PHGR1: variants seen among roughly 807,000 people sequenced by gnomAD.
PHGR1 encodes proline, histidine and glycine-rich protein 1.
PHGR1 carries 3 observed loss-of-function variants against 4.9 expected under a neutral mutation model. That is an observed-to-expected ratio of 0.61 (90% CI 0.28 to 1.58). The LOEUF (loss-of-function observed/expected upper bound fraction) is 1.58. Among genes scored for constraint, PHGR1 ranks in the 40% most tolerant of loss-of-function variants. The pLI is 0.11. For missense variants in PHGR1, 81 were observed against 118.7 expected, an observed-to-expected ratio of 0.68 and a Z score of 1.48; for synonymous variants, 32 against 46.1, an observed-to-expected ratio of 0.69 and a Z score of 1.24.
chr15:40,351,192 T>C (rs1476228238), intron 1 of PHGR1, 130 bp downstream of exon 1: 1 of 152,500 alleles, frequency 6.6e-6, no homozygotes, highest in Non-Finnish European at 1.5e-5. Flanking sequence ...CTTCCGTGTC[T>C]CTGCATGAGG....
intron 2 of PHGR1, 176 bp downstream of exon 2, chr15:40,353,443 G>C (rs1394546153): frequency 2.6e-6 from 2 of 757,260 alleles, no homozygotes; most frequent in African/African-American, 3.5e-5. Context: ...ACATACTGTA[G>C]AACATGTTAC....
At chr15:40,354,280 G>GT (rs937671291) in intron 2 of PHGR1, 65 bp from the exon 3 acceptor site, 1,179 of 1,390,338 alleles carry the variant, frequency 8.5e-4, no homozygotes, top group Non-Finnish European at 9.2e-4. Context: ...GAGAAGACAG[G>GT]TTTTTTTTTA....
intron 3 of PHGR1, 139 bp downstream of exon 3, chr15:40,354,491 C>G (rs534936417): frequency 9.0e-7 from 1 of 1,113,406 alleles, no homozygotes; most frequent in South Asian, 1.5e-5. Context: ...CAGGCAGCAG[C>G]CCCGTGGAGT....
chr15:40,356,044 T>G, intron 3 of PHGR1, 29 bp from the exon 4 acceptor site: 1 of 1,546,230 alleles, frequency 6.5e-7, no homozygotes, highest in Non-Finnish European at 8.7e-7. Context: ...GACCTCTGAC[T>G]CTGACATTGT....
At chr15:40,354,572 T>C (rs189235809) in intron 3 of PHGR1, among the ~76,000 whole-genome samples, 1 of 152,158 alleles carries the variant, frequency 6.6e-6, no homozygotes, top group East Asian at 1.9e-4. Flanking sequence ...TTCTCTCCTC[T>C]GTTTTCCCAT....
chr15:40,353,942 CA>C (rs34791483), intron 2 of PHGR1, among the ~76,000 whole-genome samples: 28,827 of 152,136 alleles, frequency 0.19, 3,129 homozygotes, highest in African/African-American at 0.3. Context: ...TGGGGCGTGA[CA>C]GGGGCAGAGG....
At chr15:40,353,136 TGTGTGTGTGTGC>T (rs1189119513) in intron 1 of PHGR1, 84 bp from the exon 2 acceptor site, 33 of 925,408 alleles carry the variant, frequency 3.6e-5, no homozygotes, top group East Asian at 1.1e-4. Flanking sequence ...TGTGTGTGTG[TGTGTGTGTGTGC>T]GCGCGCGCGC....
intron 3 of PHGR1, among the ~76,000 whole-genome samples, chr15:40,354,770 A>AGAGG (rs1439066353): frequency 6.6e-6 from 1 of 152,184 alleles, no homozygotes; most frequent in Non-Finnish European, 1.5e-5. Flanking sequence ...CAGAGAAAGG[A>AGAGG]GACTGCGTCT....
intron 2 of PHGR1, 61 bp from the exon 3 acceptor site, chr15:40,354,284 T>A: frequency 6.6e-7 from 1 of 1,522,258 alleles, no homozygotes; most frequent in East Asian, 2.5e-5. Flanking sequence ...AGACAGGTTT[T>A]TTTTTACTGC....
Position 40,356,416 on chromosome 15 carries a change from CCACATTCTAT to C in PHGR1, c.*114_*123del. 6.7e-7 allele frequency: 1 copy of C among 1,488,692 alleles called. No individual in the cohort carries two copies. Among genetic ancestry groups the C allele is most frequent in the Non-Finnish European group, 9.2e-7 (1 of 1,092,286 alleles). The allele number at this position is 1,488,692 out of a possible 1,614,324, so 92.2% of individuals were successfully genotyped here. ...TTCCTAATAAACAGCCTCCTAGAGG[CCACATTCTAT>C]TCTTTAAAGAGCCTGTCTTCCTTCA... On this transcript the variant is annotated 3_prime_UTR_variant, in exon 4 of 4. Coordinates refer to ENST00000448599, the MANE Select transcript of PHGR1 (RefSeq NM_001145643.2).
intron 3 of PHGR1, among the ~76,000 whole-genome samples, chr15:40,355,271 T>C (rs1203480487): frequency 1.3e-5 from 2 of 152,202 alleles, no homozygotes; most frequent in African/African-American, 2.4e-5. Flanking sequence ...CTCTTCTGAC[T>C]GAGGCAGAAA....
chr15:40,353,530 G>T, intron 2 of PHGR1: 1 of 476,842 alleles, frequency 2.1e-6, no homozygotes, highest in Admixed American at 3.4e-5. Flanking sequence ...CACACTCAAG[G>T]CCCAGGGGAG....
At chr15:40,352,881 C>A (rs1889225113) in intron 1 of PHGR1, among the ~76,000 whole-genome samples, 1 of 152,200 alleles carries the variant, frequency 6.6e-6, no homozygotes, top group South Asian at 2.1e-4. Flanking sequence ...ATATTGAAAT[C>A]TTCCCAAGAG....
rs1889300237 is a variant in PHGR1 at position 40,356,277 on chromosome 15, C to T, written c.223C>T (p.His75Tyr). The T allele has an allele frequency of 1.9e-6, 3 of 1,549,254 alleles. No homozygotes were observed. Among genetic ancestry groups the T allele is most frequent in the Non-Finnish European group, 2.6e-6 (3 of 1,146,428 alleles). ...GCCTCCCCCTGGCCATGGCCCAGGT[C>T]ACCCACCCCCTGGTCCACATCACTG... The part of the protein sequence containing the change: ...CGPPPGHGPG[H>Y]PPPGPHH Residue 75 changes from histidine (H) to tyrosine (Y), a missense_variant, in exon 4 of 4, where the codon CAC becomes TAC. By Grantham distance (83) the His-to-Tyr change is moderately conservative. Coordinates refer to ENST00000448599, the MANE Select transcript of PHGR1 (RefSeq NM_001145643.2).
At chr15:40,354,304 T>C in intron 2 of PHGR1, 41 bp from the exon 3 acceptor site, 1 of 1,509,674 alleles carries the variant, frequency 6.6e-7, no homozygotes, top group South Asian at 1.2e-5. Context: ...CAGAACCAAA[T>C]GACCAAAGCT....
chr15:40,354,851 C>T (rs1187901357), intron 3 of PHGR1, among the ~76,000 whole-genome samples: 1 of 152,070 alleles, frequency 6.6e-6, no homozygotes, highest in Non-Finnish European at 1.5e-5. Context: ...TGTGCCAACC[C>T]CCAAACAAAA....
intron 3 of PHGR1, 147 bp downstream of exon 3, chr15:40,354,499 A>T: frequency 4.6e-4 from 440 of 967,004 alleles, no homozygotes; most frequent in Middle Eastern, 8.8e-4. Flanking sequence ...AGCCCCGTGG[A>T]GTGGGGGTGG....
Position 40,356,229 on chromosome 15 carries a change from C to T in PHGR1, c.175C>T (p.His59Tyr), listed in dbSNP as rs542741163. 4.7e-6 allele frequency: 7 copies of T among 1,494,268 alleles called. No homozygotes were observed. The East Asian group carries it at 1.1e-4, about 23-fold the overall frequency. The allele number at this position is 1,494,268 out of a possible 1,614,324, so 92.6% of individuals were successfully genotyped here. ...CCCAGGGCCCTGCGGGCCACCCCCC[C>T]ACCATGGTCCAGGGCCCTGCGGGCC... Reference protein sequence around the residue: ...HGPGPCGPPPHHGPGPCGPPP... With the variant: ...HGPGPCGPPPYHGPGPCGPPP... The change falls in exon 4 of 4, where the codon CAC becomes TAC. Residue 59 changes from histidine to tyrosine, a missense_variant. Physicochemically the swap from His to Tyr is moderately conservative, Grantham distance 83. Coordinates refer to ENST00000448599, the MANE Select transcript of PHGR1 (RefSeq NM_001145643.2).
intron 2 of PHGR1, 34 bp downstream of exon 2, chr15:40,353,301 A>G: frequency 1.9e-6 from 3 of 1,551,524 alleles, no homozygotes; most frequent in South Asian, 2.4e-5. Flanking sequence ...GGGAATTGGA[A>G]GAAGGGAGAG....
Sources: allele counts gnomAD v4.1 joint callset (sites outside exome capture counted in the v4.1 genomes callset), GRCh38; gene constraint gnomAD v4.1.1; transcripts MANE v1.5; gene names NCBI Gene and HGNC (gene_info 2026-07-23, HGNC 2026-07-21).